The following KHDRBS2 variants were observed in gnomAD, a reference collection of about 807,000 sequenced individuals.
KHDRBS2 encodes the protein KH domain-containing, RNA-binding, signal transduction-associated protein 2.
KHDRBS2 carries 26 observed loss-of-function variants against 44.3 expected under a neutral mutation model. The observed-to-expected ratio is 0.59, with a 90% CI of 0.43 to 0.81. The LOEUF (loss-of-function observed/expected upper bound fraction) is 0.81. Among genes scored for constraint, KHDRBS2 ranks in the 40% least tolerant of loss-of-function variants. The pLI is 0.00. For synonymous variants in KHDRBS2, 194 were observed against 151.1 expected (o/e 1.28, Z -2.08); for missense variants, 476 against 433.1 (o/e 1.10, Z -0.88).
chr6:61,955,215 T>C (rs1454525079), intron 4 of KHDRBS2, among the ~76,000 whole-genome samples: 4 of 145,196 alleles, frequency 2.8e-5, no homozygotes, highest in Non-Finnish European at 4.6e-5. Flanking sequence ...TATGTATACA[T>C]ATGTGTATAT....
intron 6 of KHDRBS2, among the ~76,000 whole-genome samples, chr6:61,736,306 C>T (rs1355876454): frequency 1.3e-5 from 2 of 149,526 alleles, no homozygotes; most frequent in African/African-American, 2.5e-5. Flanking sequence ...TTTAAGCATC[C>T]CATTCTTAGC....
At chr6:61,688,513 C>T (rs892344339) in intron 8 of KHDRBS2, among the ~76,000 whole-genome samples, 2 of 151,890 alleles carry the variant, frequency 1.3e-5, no homozygotes, top group East Asian at 2.0e-4. Context: ...CAAAGAATTC[C>T]AATACTCCCT....
At chr6:61,689,764 T>A (rs1298319936) in intron 8 of KHDRBS2, among the ~76,000 whole-genome samples, 1 of 152,032 alleles carries the variant, frequency 6.6e-6, no homozygotes, top group Non-Finnish European at 1.5e-5. Flanking sequence ...TTTTCTGGCA[T>A]CTCTTGTTAC....
intron 2 of KHDRBS2, among the ~76,000 whole-genome samples, chr6:62,087,241 TC>T (rs1474560582): frequency 2.6e-5 from 4 of 152,008 alleles, no homozygotes; most frequent in African/African-American, 9.7e-5. Flanking sequence ...AAGGATATGG[TC>T]ATAAAATACA....
At chr6:62,103,174 G>T (rs1802293199) in intron 2 of KHDRBS2, among the ~76,000 whole-genome samples, 1 of 152,134 alleles carries the variant, frequency 6.6e-6, no homozygotes, top group Non-Finnish European at 1.5e-5. Flanking sequence ...AGAACTTGCA[G>T]CCCAGCTTCC....
chr6:62,276,591 C>T (rs2150193055), intron 1 of KHDRBS2, among the ~76,000 whole-genome samples: 1 of 152,312 alleles, frequency 6.6e-6, no homozygotes, highest in African/African-American at 2.4e-5. Flanking sequence ...ATGTAGTAGG[C>T]TGTCTTGATG....
Position 61,863,426 on chromosome 6 carries a change from A to G in KHDRBS2, c.810+31209T>C, listed in dbSNP as rs182379075. ...TTCTAGCTTTTTGATGTGAGCATGCAGTACTATACATTTCCTTCTTAACAC... is the reference window on the plus strand; with the variant it reads ...TTCTAGCTTTTTGATGTGAGCATGCGGTACTATACATTTCCTTCTTAACAC... On this transcript the variant is annotated intron_variant, in intron 6 of 8. Coordinates refer to ENST00000281156, the MANE Select transcript of KHDRBS2 (RefSeq NM_152688.4). Among the ~76,000 whole-genome samples, 345 of 152,202 alleles carry G rather than the reference A, an allele frequency of 2.3e-3. 2 individuals carry two copies. The highest frequency in any genetic ancestry group is 8.0e-3 in the African/African-American group (333 of 41,540).
intron 1 of KHDRBS2, among the ~76,000 whole-genome samples, chr6:62,202,552 T>A (rs1221272714): frequency 6.6e-6 from 1 of 151,936 alleles, no homozygotes. Context: ...GACACATCAG[T>A]GAATAAAATA....
chr6:62,094,935 C>T (rs1203076628), intron 2 of KHDRBS2, among the ~76,000 whole-genome samples: 1 of 151,812 alleles, frequency 6.6e-6, no homozygotes, highest in Non-Finnish European at 1.5e-5. Flanking sequence ...TGTTTTTATG[C>T]CAGTACCTGC....
At chr6:62,035,310 C>CA (rs1397436008) in intron 3 of KHDRBS2, among the ~76,000 whole-genome samples, 2 of 151,744 alleles carry the variant, frequency 1.3e-5, no homozygotes, top group Admixed American at 1.3e-4. Context: ...TATTCAGCCA[C>CA]AAAAAAATGA....
intron 4 of KHDRBS2, among the ~76,000 whole-genome samples, chr6:61,924,225 C>T (rs116578568): frequency 0.014 from 2,094 of 152,094 alleles, 44 homozygotes; most frequent in African/African-American, 0.047. Flanking sequence ...GATAAGTTAT[C>T]AATTCTCCTG....
chr6:61,777,625 A>C (rs1249796771), intron 6 of KHDRBS2, among the ~76,000 whole-genome samples: 1 of 152,154 alleles, frequency 6.6e-6, no homozygotes, highest in Admixed American at 6.6e-5. Context: ...GAGTTCCATG[A>C]TTAGAGAGGA....
chr6:61,778,484 CAG>C lies in KHDRBS2; in HGVS notation c.811-45722_811-45721del, dbSNP rs543782454. 3.2e-3 allele frequency among the ~76,000 whole-genome samples: 483 copies of C among 152,128 alleles called. 1 individual carries two copies. Among genetic ancestry groups the C allele is most frequent in the Non-Finnish European group, 5.7e-3 (390 of 67,998 alleles). ...TTCAGGTACCATGTAACCTTCCAAA[CAG>C]AAAGGCATAGTAAACATGACTTACA... On this transcript the variant is annotated intron_variant, in intron 6 of 8. Transcript: ENST00000281156.
At chr6:62,284,318 T>TC (rs1428582637) in intron 1 of KHDRBS2, among the ~76,000 whole-genome samples, 1 of 152,032 alleles carries the variant, frequency 6.6e-6, no homozygotes, top group African/African-American at 2.4e-5. Flanking sequence ...AACTTTTTTT[T>TC]CACTTTAAAG....
chr6:62,286,171 C>T lies in KHDRBS2; in HGVS notation c.-223G>A. 7.3e-6 allele frequency: 4 copies of T among 545,718 alleles called. No homozygotes were observed. The highest frequency in any genetic ancestry group is 6.8e-5 in the South Asian group (3 of 44,116). The allele number at this position is 545,718 out of a possible 1,614,324, so 33.8% of individuals were successfully genotyped here. On this transcript the variant is annotated 5_prime_UTR_variant, in exon 1 of 9. Coordinates refer to ENST00000281156, the MANE Select transcript of KHDRBS2 (RefSeq NM_152688.4). ...CCCGTCCCTTCCGTCGTCCCTCGCT[C>T]GCGCAGAGCCCCGGCTCACACCAGC...
At chr6:61,799,317 G>T (rs1331077780) in intron 6 of KHDRBS2, among the ~76,000 whole-genome samples, 1 of 151,758 alleles carries the variant, frequency 6.6e-6, no homozygotes, top group Non-Finnish European at 1.5e-5. Flanking sequence ...CTATAAAAAT[G>T]CATTCTTATT....
intron 4 of KHDRBS2, among the ~76,000 whole-genome samples, chr6:61,951,903 A>AC (rs1562503497): frequency 1.3e-5 from 2 of 151,570 alleles, no homozygotes; most frequent in Non-Finnish European, 3.0e-5. Flanking sequence ...TGTAGTTACA[A>AC]TTTTTTCAGT....
the KHDRBS2 span, among the ~76,000 whole-genome samples, chr6:61,582,485 A>T: frequency 6.6e-6 from 1 of 151,800 alleles, no homozygotes; most frequent in Non-Finnish European, 1.5e-5. Context: ...TGTTCAAAAT[A>T]TCACTAATAA....
chr6:62,047,750 G>C lies in KHDRBS2; in HGVS notation c.336+128C>G. 5 of 686,120 alleles carry C rather than the reference G, an allele frequency of 7.3e-6. No individual in the cohort carries two copies. The South Asian group carries it at 8.8e-5, about 12-fold the overall frequency. 42.5% of individuals were successfully genotyped at this position (686,120 alleles called of 1,614,324 possible). A position where few individuals can be genotyped will look rare whatever the true frequency, so the allele number is the denominator to read the frequency against. ...AGAGGAGATAGCAGAAAGTGACACA[G>C]GGTGATCCCAGGAAATGGAAATCAT... On this transcript the variant is annotated intron_variant, in intron 3 of 8. Coordinates refer to ENST00000281156, the MANE Select transcript of KHDRBS2 (RefSeq NM_152688.4).
Sources: allele counts gnomAD v4.1 joint callset (sites outside exome capture counted in the v4.1 genomes callset), GRCh38; gene constraint gnomAD v4.1.1; transcripts MANE v1.5; gene names NCBI Gene and HGNC (gene_info 2026-07-23, HGNC 2026-07-21).